Variants in SCN9A observed in about 807,000 individuals in gnomAD.
The protein encoded by SCN9A is sodium channel protein type 9 subunit alpha.
A neutral mutation model predicts 187.0 loss-of-function variants in SCN9A; 131 were observed. The ratio of observed to expected loss-of-function variants is 0.70; its 90% CI spans 0.61 to 0.81. SCN9A has a LOEUF of 0.81. Ranked by LOEUF, SCN9A falls within the 30% of genes least tolerant of loss-of-function variation. SCN9A has a pLI of 0.00. For synonymous variants in SCN9A, 809 were observed against 808.6 expected (o/e 1.00, Z -0.01); for missense variants, 2,252 against 2,396.6 (o/e 0.94, Z 1.26).
intron 26 of SCN9A, among the ~76,000 whole-genome samples, chr2:166,203,358 A>G (rs1693636454): frequency 6.6e-6 from 1 of 151,938 alleles, no homozygotes; most frequent in Non-Finnish European, 1.5e-5. Flanking sequence ...ACAAGAAGAT[A>G]GAAAAACAAC....
chr2:166,201,857 C>A (rs1693551435), intron 26 of SCN9A, among the ~76,000 whole-genome samples: 1 of 151,324 alleles, frequency 6.6e-6, no homozygotes, highest in South Asian at 2.1e-4. Context: ...TAGTTTTTTA[C>A]CAAAAAATTT....
intron 7 of SCN9A, among the ~76,000 whole-genome samples, chr2:166,296,394 A>G (rs1698303389): frequency 6.6e-6 from 1 of 152,360 alleles, no homozygotes; most frequent in East Asian, 1.9e-4. Context: ...AGATAAAACA[A>G]TAAAGCCTTG....
intron 26 of SCN9A, among the ~76,000 whole-genome samples, 173 bp from the exon 27 acceptor site, chr2:166,200,037 G>A (rs1693426128): frequency 9.8e-6 from 1 of 102,362 alleles, no homozygotes; most frequent in African/African-American, 3.9e-5. Flanking sequence ...TCGCTCTGTC[G>A]CCCAGGCTGG....
chr2:166,209,072 T>C (rs1178213924), intron 24 of SCN9A, among the ~76,000 whole-genome samples: 1 of 152,058 alleles, frequency 6.6e-6, no homozygotes, highest in Non-Finnish European at 1.5e-5. Flanking sequence ...GCTACAAACA[T>C]AGGAAAAGGG....
chr2:166,259,337 A>T (rs1696409024), intron 17 of SCN9A: 1 of 151,724 alleles, frequency 6.6e-6, no homozygotes, highest in South Asian at 2.1e-4. Flanking sequence ...GCATGATGAA[A>T]GAGTTTAGTC....
chr2:166,306,867 G>T, intron 3 of SCN9A, 89 bp downstream of exon 3: 1 of 722,718 alleles, frequency 1.4e-6, no homozygotes, highest in African/African-American at 1.8e-5. Flanking sequence ...GTCTTTCAAG[G>T]TGCAAAAGGT....
At chr2:166,210,519 CAAAA>C (rs34448541) in intron 24 of SCN9A, among the ~76,000 whole-genome samples, 1 of 96,380 alleles carries the variant, frequency 1.0e-5, no homozygotes, top group Non-Finnish European at 2.0e-5. Flanking sequence ...AGATGGACAC[CAAAA>C]AAAAAAAAAA....
At chr2:166,320,971 T>C (rs917038846) in intron 1 of SCN9A, among the ~76,000 whole-genome samples, 11 of 152,164 alleles carry the variant, frequency 7.2e-5, no homozygotes, top group African/African-American at 2.7e-4. Flanking sequence ...ATAAAAGTTT[T>C]AGGGAAGAGC....
intron 1 of SCN9A, among the ~76,000 whole-genome samples, chr2:166,329,968 A>C (rs1330751912): frequency 6.6e-6 from 1 of 152,180 alleles, no homozygotes; most frequent in African/African-American, 2.4e-5. Context: ...AACAAGAAAA[A>C]AAATCATCTT....
intron 18 of SCN9A, among the ~76,000 whole-genome samples, chr2:166,247,698 G>A (rs977100288): frequency 1.3e-5 from 2 of 152,054 alleles, no homozygotes; most frequent in Non-Finnish European, 2.9e-5. Flanking sequence ...TGTATTTTTA[G>A]TAGAAACGGG....
At chr2:166,314,299 C>A (rs1188587343) in intron 1 of SCN9A, among the ~76,000 whole-genome samples, 1 of 152,074 alleles carries the variant, frequency 6.6e-6, no homozygotes, top group Non-Finnish European at 1.5e-5. Flanking sequence ...AGTAAAGCCC[C>A]ATAAAATGAA....
At chr2:166,344,036 A>G (rs141375532) in intron 1 of SCN9A, among the ~76,000 whole-genome samples, 16 of 152,320 alleles carry the variant, frequency 1.1e-4, no homozygotes, top group African/African-American at 3.4e-4. Flanking sequence ...AGAATTATCT[A>G]AAAGTACATA....
At chr2:166,334,450 T>G (rs1699580171) in intron 1 of SCN9A, among the ~76,000 whole-genome samples, 1 of 152,076 alleles carries the variant, frequency 6.6e-6, no homozygotes, top group Non-Finnish European at 1.5e-5. Context: ...TATGCAAATA[T>G]CCACCAATTT....
intron 1 of SCN9A, among the ~76,000 whole-genome samples, chr2:166,354,612 C>T (rs752935458): frequency 4.6e-4 from 70 of 152,262 alleles, no homozygotes; most frequent in Non-Finnish European, 8.1e-4. Context: ...AATCTTTGAA[C>T]ATCCAACAAA....
intron 16 of SCN9A, among the ~76,000 whole-genome samples, chr2:166,274,888 A>G (rs1697164174): frequency 1.3e-5 from 2 of 152,126 alleles, no homozygotes; most frequent in South Asian, 4.1e-4. Context: ...TCAATCTAGA[A>G]CTCTTTCTTT....
chr2:166,316,250 C>A (rs1030468799), intron 1 of SCN9A, among the ~76,000 whole-genome samples: 1 of 151,942 alleles, frequency 6.6e-6, no homozygotes, highest in African/African-American at 2.4e-5. Flanking sequence ...CATGTCAAAC[C>A]TCACTAGTAA....
chr2:166,202,047 T>C (rs75104273), intron 26 of SCN9A, among the ~76,000 whole-genome samples: 1 of 151,812 alleles, frequency 6.6e-6, no homozygotes, highest in Non-Finnish European at 1.5e-5. Context: ...TCTTATTAAT[T>C]TATAAGAACA....
chr2:166,235,534 C>T (rs1695278786), intron 20 of SCN9A, among the ~76,000 whole-genome samples: 1 of 152,096 alleles, frequency 6.6e-6, no homozygotes, highest in African/African-American at 2.4e-5. Flanking sequence ...CCACATCCAA[C>T]CCCAGAGTTT....
Position 166,272,713 on chromosome 2 carries a change from C to T in SCN9A, c.3037G>A (p.Ala1013Thr). ...KQTLREFILK[A>T]FSKKPKISRE... is the part of the protein sequence containing the mutation. ...GAAATCTTTGGCTTTTTGGAAAATGCTTTTAGAATAAATTCACGTAAGGTT... is the reference window on the plus strand; with the variant it reads ...GAAATCTTTGGCTTTTTGGAAAATGTTTTTAGAATAAATTCACGTAAGGTT... The change falls in exon 17 of 27, where the codon GCA becomes ACA. Residue 1013 changes from alanine (A) to threonine (T), a missense_variant. By Grantham distance (58) the Ala-to-Thr change is moderately conservative (BLOSUM62 0). Around this residue, in one of 7 missense-constraint regions of SCN9A, gnomAD observed 313 missense variants for 295.3 expected, o/e 1.06. Coordinates refer to ENST00000642356, the MANE Select transcript of SCN9A (RefSeq NM_001365536.1). 2.5e-6 allele frequency: 4 copies of T among 1,594,602 alleles called. No homozygotes were observed. The highest frequency in any genetic ancestry group is 3.4e-6 in the Non-Finnish European group (4 of 1,171,254).
Sources: gnomAD v4.1 joint callset for allele counts (sites outside exome capture counted in the v4.1 genomes callset) on GRCh38, gnomAD v4.1.1 for gene constraint, gnomAD v4.1.1 regional missense constraint, MANE v1.5 for transcripts, NCBI Gene and HGNC (gene_info 2026-07-23, HGNC 2026-07-21) for gene names.